Variants in B3GALT1 observed in about 807,000 individuals in gnomAD.
B3GALT1 encodes UDP-Gal:betaGlcNAc beta 1,3-galactosyltransferase, polypeptide 1.
Under a neutral mutation model 23.2 loss-of-function variants are expected in B3GALT1, and 10 were observed. The observed-to-expected ratio is 0.43, with a 90% CI of 0.27 to 0.73. B3GALT1 has a LOEUF of 0.73. B3GALT1 is among the 30% of genes least tolerant of loss of function. The pLI is 0.21. For missense variants in B3GALT1, 299 were observed against 405.4 expected (o/e 0.74, Z 2.25); for synonymous variants, 156 against 141.5 (o/e 1.10, Z -0.73).
intron 2 of B3GALT1, among the ~76,000 whole-genome samples, chr2:167,615,532 A>G (rs1685145365): frequency 6.6e-6 from 1 of 152,136 alleles, no homozygotes; most frequent in Non-Finnish European, 1.5e-5. Context: ...CTAGAAAAGT[A>G]GATTTTAATG....
intron 1 of B3GALT1, among the ~76,000 whole-genome samples, chr2:167,402,019 G>T (rs1231794646): frequency 1.3e-5 from 2 of 152,110 alleles, no homozygotes; most frequent in African/African-American, 2.4e-5. Flanking sequence ...GAAATAAAAG[G>T]TTCTGAGTGA....
chr2:167,304,423 C>T (rs1696514086), intron 1 of B3GALT1, among the ~76,000 whole-genome samples: 1 of 152,094 alleles, frequency 6.6e-6, no homozygotes. Context: ...ACTCAGTGTT[C>T]TCTTTACCAG....
intron 1 of B3GALT1, among the ~76,000 whole-genome samples, chr2:167,463,948 A>G (rs6743461): frequency 0.067 from 10,225 of 152,156 alleles, 446 homozygotes; most frequent in African/African-American, 0.13. Flanking sequence ...TCCAACCCCA[A>G]TGATCTGAGC....
chr2:167,866,685 C>T (rs1690224238), intron 4 of B3GALT1, among the ~76,000 whole-genome samples: 1 of 152,144 alleles, frequency 6.6e-6, no homozygotes, highest in South Asian at 2.1e-4. Flanking sequence ...CAAATATTAC[C>T]TGACAGGAGC....
intron 3 of B3GALT1, among the ~76,000 whole-genome samples, chr2:167,686,215 A>G (rs1338706051): frequency 1.3e-5 from 2 of 152,214 alleles, no homozygotes; most frequent in African/African-American, 4.8e-5. Context: ...ATTTAGGTTT[A>G]CTAACAAAAT....
intron 1 of B3GALT1, among the ~76,000 whole-genome samples, chr2:167,333,889 A>G (rs2689842): frequency 0.81 from 123,710 of 152,058 alleles, 51,486 homozygotes; most frequent in Non-Finnish European, 0.91. Flanking sequence ...TTCTCAGAGT[A>G]TTGTTTGGTG....
At chr2:167,548,297 A>C (rs774621143) in intron 2 of B3GALT1, among the ~76,000 whole-genome samples, 23 of 152,148 alleles carry the variant, frequency 1.5e-4, no homozygotes, top group Non-Finnish European at 2.9e-4. Flanking sequence ...AAGAGAAATC[A>C]AGCTTACCAG....
At chr2:167,371,926 A>C (rs1697692651) in intron 1 of B3GALT1, among the ~76,000 whole-genome samples, 2 of 151,850 alleles carry the variant, frequency 1.3e-5, no homozygotes, top group Admixed American at 1.3e-4. Flanking sequence ...TAACTTTAAA[A>C]TATATTTATA....
intron 1 of B3GALT1, among the ~76,000 whole-genome samples, chr2:167,460,511 G>T (rs10187544): frequency 0.19 from 29,558 of 151,734 alleles, 5,030 homozygotes; most frequent in African/African-American, 0.47. Flanking sequence ...CATGATTTTC[G>T]TGATTTCTTC....
intron 3 of B3GALT1, among the ~76,000 whole-genome samples, chr2:167,764,617 TA>T (rs1687946756): frequency 2.6e-5 from 4 of 152,250 alleles, no homozygotes; most frequent in Admixed American, 2.6e-4. Context: ...TAATAAGTTT[TA>T]TAATTATATT....
chr2:167,545,634 G>T (rs1293863472), intron 2 of B3GALT1, among the ~76,000 whole-genome samples: 1 of 152,074 alleles, frequency 6.6e-6, no homozygotes, highest in Non-Finnish European at 1.5e-5. Flanking sequence ...GTACAGGACT[G>T]CCCTCACTTC....
chr2:167,350,119 T>C (rs898601810), intron 1 of B3GALT1, among the ~76,000 whole-genome samples: 2 of 152,184 alleles, frequency 1.3e-5, no homozygotes, highest in Non-Finnish European at 2.9e-5. Flanking sequence ...TCTTTAATGC[T>C]TAAATAAAAG....
intron 2 of B3GALT1, among the ~76,000 whole-genome samples, chr2:167,636,376 C>T (rs1442725434): frequency 6.6e-6 from 1 of 151,978 alleles, no homozygotes; most frequent in African/African-American, 2.4e-5. Flanking sequence ...GACACTTCTA[C>T]ACTGTTGGTA....
intron 1 of B3GALT1, among the ~76,000 whole-genome samples, chr2:167,311,519 T>C (rs1310558159): frequency 6.6e-6 from 1 of 152,030 alleles, no homozygotes; most frequent in East Asian, 1.9e-4. Context: ...GTTAAAAAAA[T>C]GTAGATGCAC....
At chr2:167,583,829 T>G (rs1373311090) in intron 2 of B3GALT1, among the ~76,000 whole-genome samples, 1 of 152,178 alleles carries the variant, frequency 6.6e-6, no homozygotes, top group East Asian at 1.9e-4. Context: ...GAAATTCTGC[T>G]TAAATTTTGG....
At chr2:167,446,149 C>G (rs1698986762) in intron 1 of B3GALT1, among the ~76,000 whole-genome samples, 1 of 152,164 alleles carries the variant, frequency 6.6e-6, no homozygotes, top group African/African-American at 2.4e-5. Context: ...ATATGAAATT[C>G]TGGGTTGAAA....
chr2:167,573,851 G>A (rs966779853), intron 2 of B3GALT1, among the ~76,000 whole-genome samples: 1 of 151,578 alleles, frequency 6.6e-6, no homozygotes, highest in Non-Finnish European at 1.5e-5. Context: ...AATCTGACAA[G>A]GTGCAATTCA....
In B3GALT1 at chr2:167,562,031, G is replaced by A. The variant is rs143843137; in HGVS notation, c.-410+71754G>A. 6.8e-3 allele frequency among the ~76,000 whole-genome samples: 1,040 copies of A among 152,296 alleles called. 25 individuals carry two copies. The East Asian group carries it at 0.082, about 12-fold the overall frequency. Reference sequence around the variant, plus strand: ...AAGAGAATTTTAGACCAATATCCTTGATGAACACTGATGCAAAAATCCTCA... The same window carrying A: ...AAGAGAATTTTAGACCAATATCCTTAATGAACACTGATGCAAAAATCCTCA... On this transcript the variant is annotated intron_variant, in intron 2 of 4. Coordinates refer to ENST00000392690, the MANE Select transcript of B3GALT1 (RefSeq NM_020981.4).
chr2:167,539,994 T>G (rs1452249928), intron 2 of B3GALT1, among the ~76,000 whole-genome samples: 1 of 152,194 alleles, frequency 6.6e-6, no homozygotes, highest in East Asian at 1.9e-4. Flanking sequence ...CAGATTTTAT[T>G]TATTAGGAAC....
Sources: gnomAD v4.1 joint callset for allele counts (sites outside exome capture counted in the v4.1 genomes callset) on GRCh38, gnomAD v4.1.1 for gene constraint, MANE v1.5 for transcripts, NCBI Gene and HGNC (gene_info 2026-07-23, HGNC 2026-07-21) for gene names.